Variants in DAPP1 observed in about 807,000 individuals in gnomAD.
DAPP1 encodes the protein dual adaptor of phosphotyrosine and 3-phosphoinositides 1.
Under a neutral mutation model 41.5 loss-of-function variants are expected in DAPP1, and 20 were observed. The ratio of observed to expected loss-of-function variants is 0.48; its 90% CI spans 0.34 to 0.70. The LOEUF (loss-of-function observed/expected upper bound fraction) is 0.70, where lower values mean the gene tolerates loss of function less well. Among genes scored for constraint, DAPP1 ranks in the 30% least tolerant of loss-of-function variants. The probability of loss-of-function intolerance (pLI) is 0.01; values close to 1 mark genes in which losing one functional copy is unlikely to be tolerated. For synonymous variants in DAPP1, 113 were observed against 116.2 expected, an observed-to-expected ratio of 0.97 and a Z score of 0.18; for missense variants, 233 against 333.4, an observed-to-expected ratio of 0.70 and a Z score of 2.35.
chr4:99,845,317 T>C (rs1279914325), intron 3 of DAPP1, among the ~76,000 whole-genome samples: 1 of 152,054 alleles, frequency 6.6e-6, no homozygotes, highest in African/African-American at 2.4e-5. Context: ...TAACAGTACA[T>C]TGTTGCCATG....
intron 3 of DAPP1, among the ~76,000 whole-genome samples, chr4:99,852,652 T>C (rs1334348039): frequency 6.6e-6 from 1 of 152,212 alleles, no homozygotes; most frequent in Non-Finnish European, 1.5e-5. Context: ...AATTGGGTAG[T>C]ATCAGAGAGT....
intron 1 of DAPP1, among the ~76,000 whole-genome samples, chr4:99,821,692 G>A (rs1366070810): frequency 1.3e-5 from 2 of 152,134 alleles, no homozygotes; most frequent in African/African-American, 4.8e-5. Flanking sequence ...GACTGCTGAT[G>A]TAACCTCCTG....
intron 8 of DAPP1, chr4:99,866,605 G>A (rs774642237): frequency 3.0e-5 from 23 of 765,966 alleles, no homozygotes; most frequent in Admixed American, 1.0e-4. Context: ...TATATCTCCC[G>A]AGGAGAAGAC....
At chr4:99,852,638 C>G (rs1198446642) in intron 3 of DAPP1, among the ~76,000 whole-genome samples, 1 of 152,172 alleles carries the variant, frequency 6.6e-6, no homozygotes, top group Admixed American at 6.5e-5. Flanking sequence ...TGGTTACTTT[C>G]ATTAATTGGG....
intron 1 of DAPP1, among the ~76,000 whole-genome samples, chr4:99,829,877 C>A (rs1723062261): frequency 6.6e-6 from 1 of 152,090 alleles, no homozygotes; most frequent in African/African-American, 2.4e-5. Context: ...TTAATTAATA[C>A]AAATACGTTA....
At chr4:99,835,572 G>T in intron 1 of DAPP1, 51 bp from the exon 2 acceptor site, 1 of 1,599,170 alleles carries the variant, frequency 6.3e-7, no homozygotes, top group South Asian at 1.1e-5. Flanking sequence ...AGTGCAGGGG[G>T]AGTCATGCCA....
chr4:99,835,818 T>C (rs749122529), intron 2 of DAPP1, 73 bp downstream of exon 2: 3 of 1,562,374 alleles, frequency 1.9e-6, no homozygotes, highest in Non-Finnish European at 2.6e-6. Flanking sequence ...ATCACTCAAA[T>C]TGCCAGACAG....
intron 1 of DAPP1, among the ~76,000 whole-genome samples, chr4:99,824,756 G>A (rs1722882523): frequency 6.6e-6 from 1 of 152,164 alleles, no homozygotes; most frequent in African/African-American, 2.4e-5. Flanking sequence ...GCCCTCTTAA[G>A]AGAACCTCTG....
At chr4:99,862,859 A>G (rs576773613) in intron 5 of DAPP1, 151 bp from the exon 6 acceptor site, 1 of 529,058 alleles carries the variant, frequency 1.9e-6, no homozygotes. Flanking sequence ...CTTTTTTCTC[A>G]GAAATGACAC....
chr4:99,835,773 C>T (rs777773590), intron 2 of DAPP1, 28 bp downstream of exon 2: 10 of 1,608,732 alleles, frequency 6.2e-6, no homozygotes, highest in Non-Finnish European at 8.5e-6. Context: ...TCTACGACTT[C>T]AGCATGGGCT....
At chr4:99,861,660 G>GA (rs1323948789) in intron 5 of DAPP1, 35 bp downstream of exon 5, 2 of 1,554,728 alleles carry the variant, frequency 1.3e-6, no homozygotes, top group East Asian at 2.4e-5. Flanking sequence ...GCCAGCCACA[G>GA]AAAAAAGAGA....
intron 2 of DAPP1, among the ~76,000 whole-genome samples, chr4:99,839,498 A>G (rs368188021): frequency 3.3e-5 from 5 of 152,066 alleles, no homozygotes; most frequent in African/African-American, 1.2e-4. Flanking sequence ...TTGATATTTT[A>G]TTCAGTAGGC....
At chr4:99,863,879 GT>G in intron 7 of DAPP1, 24 bp downstream of exon 7, 1 of 1,423,988 alleles carries the variant, frequency 7.0e-7, no homozygotes, top group South Asian at 1.2e-5. Flanking sequence ...TAAAGAAAAC[GT>G]TTTTTAATGT....
In DAPP1 at chr4:99,834,674, T is replaced by C. The variant is rs376976268; in HGVS notation, c.102-949T>C. Among the ~76,000 whole-genome samples, 12 of 152,296 alleles carry C rather than the reference T, an allele frequency of 7.9e-5. 1 individual carries two copies. In the East Asian group the frequency reaches 2.3e-3, roughly 29 times the overall value. ...AATTGGTCAAAGCCTATTCTTATGG[T>C]ATTTTGACTTGGACTTTAAAAACCA... On this transcript the variant is annotated intron_variant, in intron 1 of 8. Coordinates refer to ENST00000512369, the MANE Select transcript of DAPP1 (RefSeq NM_014395.3).
chr4:99,861,811 T>C (rs1193371279), intron 5 of DAPP1, among the ~76,000 whole-genome samples, 186 bp downstream of exon 5: 1 of 152,228 alleles, frequency 6.6e-6, no homozygotes, highest in Non-Finnish European at 1.5e-5. Context: ...GGAAAATGAC[T>C]TGACTGTTCT....
chr4:99,839,197 G>GGGTGGA (rs142338950), intron 2 of DAPP1, among the ~76,000 whole-genome samples: 47,587 of 151,016 alleles, frequency 0.32, 7,910 homozygotes, highest in African/African-American at 0.4. Flanking sequence ...CAATCTGCAG[G>GGGTGGA]GGTGGAGGTG....
intron 3 of DAPP1, among the ~76,000 whole-genome samples, chr4:99,849,850 C>G (rs1723794171): frequency 6.6e-6 from 1 of 152,038 alleles, no homozygotes; most frequent in Non-Finnish European, 1.5e-5. Context: ...GGGAGAGAAC[C>G]AGAAAGATGG....
intron 1 of DAPP1, among the ~76,000 whole-genome samples, chr4:99,821,749 A>C (rs1270064206): frequency 2.0e-5 from 3 of 152,238 alleles, no homozygotes; most frequent in African/African-American, 7.2e-5. Flanking sequence ...ACATGTTCAT[A>C]GTTCTTAATA....
rs1424576118 is a variant in DAPP1 at position 99,840,274 on chromosome 4, C to G, written c.225-15C>G. On this transcript the variant is annotated splice_polypyrimidine_tract_variant and intron_variant, in intron 2 of 8. Transcript: ENST00000512369. ...ATTTGTTAAATAATATTAAATACTT[C>G]TTTTTCCCTTTTAGGGCCAAAGATT... 1 of 1,464,780 alleles carries G rather than the reference C, an allele frequency of 6.8e-7. No homozygotes were observed. 90.7% of individuals were successfully genotyped at this position (1,464,780 alleles called of 1,614,324 possible). A position where few individuals can be genotyped will look rare whatever the true frequency, so the allele number is the denominator to read the frequency against.
Sources: allele counts gnomAD v4.1 joint callset (sites outside exome capture counted in the v4.1 genomes callset), GRCh38; gene constraint gnomAD v4.1.1; transcripts MANE v1.5; gene names NCBI Gene and HGNC (gene_info 2026-07-23, HGNC 2026-07-21).